Variants in AP1S3 observed in about 807,000 individuals in gnomAD.
The protein encoded by AP1S3 is AP-1 complex subunit sigma-3.
Under a neutral mutation model 20.9 loss-of-function variants are expected in AP1S3, and 10 were observed. The observed-to-expected ratio is 0.48, with a 90% CI of 0.29 to 0.81. The LOEUF is 0.81. Ranked by LOEUF, AP1S3 falls within the 30% of genes least tolerant of loss-of-function variation. The pLI is 0.08. For synonymous variants in AP1S3, 41 were observed against 61.5 expected (o/e 0.67, Z 1.56); for missense variants, 154 against 183.8 (o/e 0.84, Z 0.94).
chr2:223,785,466 C>T (rs1021607996), intron 1 of AP1S3, among the ~76,000 whole-genome samples: 1 of 152,156 alleles, frequency 6.6e-6, no homozygotes, highest in Non-Finnish European at 1.5e-5. Context: ...GGTTATCTTA[C>T]AACAGTGGAA....
Position 223,756,150 on chromosome 2 carries a change from C to A in AP1S3, c.*2565G>T. On this transcript the variant is annotated 3_prime_UTR_variant, in exon 5 of 5. Transcript: ENST00000396654. ...GGTCGGCGTTCAAGACCAGCCTGACCAACATGGAGAAATCCCAACTCTACC... is the reference window on the plus strand; with the variant it reads ...GGTCGGCGTTCAAGACCAGCCTGACAAACATGGAGAAATCCCAACTCTACC... 1 of 540,898 alleles carries A rather than the reference C, an allele frequency of 1.8e-6. No homozygotes were observed. Among genetic ancestry groups the A allele is most frequent in the Non-Finnish European group, 2.4e-6 (1 of 424,248 alleles). The allele number at this position is 540,898 out of a possible 1,614,324, so 33.5% of individuals were successfully genotyped here. A position where few individuals can be genotyped will look rare whatever the true frequency, so the allele number is the denominator to read the frequency against.
chr2:223,785,310 C>T (rs1453641041), intron 1 of AP1S3, among the ~76,000 whole-genome samples: 1 of 151,996 alleles, frequency 6.6e-6, no homozygotes, highest in African/African-American at 2.4e-5. Flanking sequence ...CCATTGCACT[C>T]CAGCCTGGGC....
intron 1 of AP1S3, among the ~76,000 whole-genome samples, chr2:223,787,926 A>T (rs1363442558): frequency 6.6e-6 from 1 of 152,092 alleles, no homozygotes; most frequent in Non-Finnish European, 1.5e-5. Context: ...AAAGCAGGGT[A>T]TTACCTAATC....
intron 1 of AP1S3, among the ~76,000 whole-genome samples, chr2:223,801,894 G>C (rs1418481229): frequency 6.6e-5 from 10 of 152,162 alleles, no homozygotes; most frequent in Admixed American, 5.2e-4. Flanking sequence ...AATGACACTA[G>C]TACTGAGTCA....
chr2:223,796,601 C>T (rs554710975), intron 1 of AP1S3, among the ~76,000 whole-genome samples: 1 of 152,078 alleles, frequency 6.6e-6, no homozygotes, highest in African/African-American at 2.4e-5. Flanking sequence ...TATTCAAGTT[C>T]CCTGTAAGGT....
chr2:223,755,623 C>T lies in AP1S3; in HGVS notation c.*3092G>A, dbSNP rs547850076. 4.0e-5 allele frequency among the ~76,000 whole-genome samples: 6 copies of T among 151,600 alleles called. No individual in the cohort carries two copies. Among genetic ancestry groups the T allele is most frequent in the South Asian group, 2.1e-4 (1 of 4,792 alleles). On this transcript the variant is annotated 3_prime_UTR_variant, in exon 5 of 5. Transcript: ENST00000396654. ...TCAGCTCACTGCAACCTCTGCCTCC[C>T]GGGTTCAAGCGATTCTCCTGCCTCA...
chr2:223,782,030 T>C (rs1690961125), intron 1 of AP1S3, among the ~76,000 whole-genome samples: 1 of 151,108 alleles, frequency 6.6e-6, no homozygotes, highest in South Asian at 2.1e-4. Flanking sequence ...TTTTTTTTTT[T>C]AGACAGAGTC....
chr2:223,827,213 A>G (rs1270038681), intron 1 of AP1S3, among the ~76,000 whole-genome samples: 1 of 152,204 alleles, frequency 6.6e-6, no homozygotes, highest in African/African-American at 2.4e-5. Context: ...TCTCTTATGT[A>G]GTGGACTTAG....
chr2:223,814,117 C>T (rs1348653002), intron 1 of AP1S3, among the ~76,000 whole-genome samples: 1 of 152,220 alleles, frequency 6.6e-6, no homozygotes, highest in African/African-American at 2.4e-5. Flanking sequence ...TTCCACACTA[C>T]CTTCATTTTT....
intron 1 of AP1S3, among the ~76,000 whole-genome samples, chr2:223,807,825 C>G (rs75005510): frequency 1.3e-5 from 1 of 79,874 alleles, no homozygotes; most frequent in Non-Finnish European, 2.7e-5. Flanking sequence ...AATTGAGCCT[C>G]TTTTTTTTTT....
At chr2:223,826,712 G>A (rs1210925464) in intron 1 of AP1S3, among the ~76,000 whole-genome samples, 1 of 151,952 alleles carries the variant, frequency 6.6e-6, no homozygotes, top group Admixed American at 6.6e-5. Flanking sequence ...GGAGTTCAGG[G>A]GCACAATCTC....
chr2:223,834,757 A>C (rs1692357584), intron 1 of AP1S3, among the ~76,000 whole-genome samples: 1 of 152,134 alleles, frequency 6.6e-6, no homozygotes, highest in Non-Finnish European at 1.5e-5. Context: ...CTGTCTCAAA[A>C]ATAAATAAAT....
chr2:223,806,902 T>C (rs917621007), intron 1 of AP1S3, among the ~76,000 whole-genome samples: 6 of 152,214 alleles, frequency 3.9e-5, no homozygotes, highest in Non-Finnish European at 5.9e-5. Flanking sequence ...TTCTGTTTTT[T>C]TTCTAAATTT....
chr2:223,832,612 C>T (rs1692299370), intron 1 of AP1S3, among the ~76,000 whole-genome samples: 1 of 152,140 alleles, frequency 6.6e-6, no homozygotes, highest in African/African-American at 2.4e-5. Context: ...TAGACCGCTT[C>T]ACCCTCAAAC....
intron 1 of AP1S3, among the ~76,000 whole-genome samples, chr2:223,813,113 A>AT (rs1338648829): frequency 6.6e-6 from 1 of 151,876 alleles, no homozygotes; most frequent in African/African-American, 2.4e-5. Flanking sequence ...TACAATAAAA[A>AT]TTTTTGTATT....
chr2:223,808,238 G>T (rs1197413589), intron 1 of AP1S3, among the ~76,000 whole-genome samples: 1 of 152,122 alleles, frequency 6.6e-6, no homozygotes, highest in Non-Finnish European at 1.5e-5. Context: ...GAGCTTCAAG[G>T]TTCAACGAGA....
intron 1 of AP1S3, among the ~76,000 whole-genome samples, chr2:223,813,512 G>A (rs999697356): frequency 6.6e-6 from 1 of 152,178 alleles, no homozygotes; most frequent in Non-Finnish European, 1.5e-5. Context: ...GGATCAGAGA[G>A]ATTAAGTAAT....
intron 1 of AP1S3, among the ~76,000 whole-genome samples, chr2:223,792,235 C>T (rs1691229629): frequency 6.6e-6 from 1 of 151,972 alleles, no homozygotes; most frequent in East Asian, 1.9e-4. Context: ...ATTATGCTAC[C>T]CAAACTATAC....
chr2:223,768,179 C>T (rs1416088044), intron 3 of AP1S3, among the ~76,000 whole-genome samples: 1 of 152,192 alleles, frequency 6.6e-6, no homozygotes, highest in East Asian at 1.9e-4. Flanking sequence ...GCATCTGACA[C>T]ACATGCCACA....
Sources: gnomAD v4.1 joint callset for allele counts (sites outside exome capture counted in the v4.1 genomes callset) on GRCh38, gnomAD v4.1.1 for gene constraint, MANE v1.5 for transcripts, NCBI Gene and HGNC (gene_info 2026-07-23, HGNC 2026-07-21) for gene names.